EPB42: variants seen among roughly 807,000 people sequenced by gnomAD.
EPB42 encodes the protein protein 4.2.
Under a neutral mutation model 76.9 loss-of-function variants are expected in EPB42, and 49 were observed. The ratio of observed to expected loss-of-function variants is 0.64; its 90% CI spans 0.51 to 0.81. The LOEUF is 0.81. EPB42 is among the 30% of genes least tolerant of loss of function. The pLI is 0.00. For missense variants in EPB42, 731 were observed against 867.6 expected (o/e 0.84, Z 1.98); for synonymous variants, 310 against 338.4 (o/e 0.92, Z 0.92).
chr15:43,203,244 G>C lies in EPB42; in HGVS notation c.1650C>G (p.Ser550=). Residue 550 remains serine (S), a synonymous_variant, in exon 11 of 13, where the codon TCC becomes TCG. Transcript: ENST00000441366. ...TCTCGGGTGGGTTTCGCTCAAAATT[G>C]GAGAAGAACAGGCCGATGGTTATTA... The part of the protein sequence containing the change: ...EKIITIGLFF[S]NFERNPPENT... The C allele has an allele frequency of 1.9e-6, 3 of 1,614,172 alleles. No homozygotes were observed. The highest frequency in any genetic ancestry group is 2.5e-6 in the Non-Finnish European group (3 of 1,180,042).
Position 43,211,465 on chromosome 15 carries a change from T to C in EPB42, c.500A>G (p.Tyr167Cys). The C allele has an allele frequency of 6.2e-7, 1 of 1,614,056 alleles. No homozygotes were observed. The highest frequency in any genetic ancestry group is 2.2e-5 in the East Asian group (1 of 44,870). ...EYLLNQNGLI[Y>C]LGTADCIQAE... ...CTGGATGCAGTCAGCTGTACCCAGG[T>C]AGATGAGACCATTCTGGTTCAACAA... Residue 167 changes from tyrosine (Y) to cysteine (C), a missense_variant, in exon 4 of 13, where the codon TAC becomes TGC. Coordinates refer to ENST00000441366, the MANE Select transcript of EPB42 (RefSeq NM_001114134.2).
At chr15:43,213,994 C>G (rs191363790) in intron 3 of EPB42, among the ~76,000 whole-genome samples, 1 of 152,238 alleles carries the variant, frequency 6.6e-6, no homozygotes, top group South Asian at 2.1e-4. Flanking sequence ...CTTCCACCTC[C>G]CCATGTTTCC....
rs747697627 is a variant in EPB42 at position 43,208,776 on chromosome 15, C to T, written c.833-1G>A. 29 of 1,613,950 alleles carry T rather than the reference C, an allele frequency of 1.8e-5. No homozygotes were observed. The highest frequency in any genetic ancestry group is 2.4e-5 in the Non-Finnish European group (28 of 1,179,928). ...GCAGGGATTCCCAGGCATCGCAGCA[C>T]TGTGAGAAGAGGGGCGGAGTGTCAG... On this transcript the variant is annotated splice_acceptor_variant, in intron 6 of 12. Transcript: ENST00000441366. LOFTEE classifies it high-confidence loss of function.
chr15:43,209,743 G>A, intron 5 of EPB42: 1 of 400,834 alleles, frequency 2.5e-6, no homozygotes, highest in Non-Finnish European at 4.5e-6. Context: ...CCGGTTCTTA[G>A]TCCTCCACCC....
At chr15:43,220,090 C>A (rs969446595) in intron 1 of EPB42, among the ~76,000 whole-genome samples, 1 of 152,094 alleles carries the variant, frequency 6.6e-6, no homozygotes, top group African/African-American at 2.4e-5. Context: ...GCACACCAGA[C>A]CAACCAGGGC....
In EPB42 at chr15:43,220,725, C is replaced by T. The variant is rs150530456; in HGVS notation, c.10+91G>A. On this transcript the variant is annotated intron_variant, in intron 1 of 12. Coordinates refer to ENST00000441366, the MANE Select transcript of EPB42 (RefSeq NM_001114134.2). The stretch of plus-strand genomic sequence containing the variant: ...AGTTATACCACCATCTCCCCGCCTA[C>T]CATCCATCCCACTTCCTTTAATGAA... 435 of 1,609,590 alleles carry T rather than the reference C, an allele frequency of 2.7e-4. 2 individuals carry two copies. The highest frequency in any genetic ancestry group is 1.9e-3 in the South Asian group (170 of 90,978).
intron 1 of EPB42, among the ~76,000 whole-genome samples, chr15:43,218,297 G>A (rs1250561405): frequency 6.6e-6 from 1 of 152,100 alleles, no homozygotes; most frequent in African/African-American, 2.4e-5. Flanking sequence ...CCGAACCCAC[G>A]TAATGACCAT....
Position 43,201,996 on chromosome 15 carries a change from C to T in EPB42, c.1780-19G>A, listed in dbSNP as rs757607771. On this transcript the variant is annotated intron_variant, in intron 11 of 12. Coordinates refer to ENST00000441366, the MANE Select transcript of EPB42 (RefSeq NM_001114134.2). ...CTGGCATCTGTGGGAAGAGGCAATA[C>T]CTGGTGTGGATGCCAAGGGCACAGC... 1 of 1,613,726 alleles carries T rather than the reference C, an allele frequency of 6.2e-7. No homozygotes were observed. The highest frequency in any genetic ancestry group is 2.2e-5 in the East Asian group (1 of 44,886).
chr15:43,218,307 T>C (rs1199280621), intron 1 of EPB42, among the ~76,000 whole-genome samples: 1 of 152,126 alleles, frequency 6.6e-6, no homozygotes, highest in Non-Finnish European at 1.5e-5. Context: ...GTAATGACCA[T>C]AGTGTTACGG....
At chr15:43,208,596 C>G (rs774836438) in intron 7 of EPB42, 41 bp downstream of exon 7, 1 of 1,613,612 alleles carries the variant, frequency 6.2e-7, no homozygotes, top group Non-Finnish European at 8.5e-7. Flanking sequence ...AGGGTTGGAG[C>G]CCTTCCTGGA....
chr15:43,210,519 C>A, intron 4 of EPB42, 80 bp from the exon 5 acceptor site: 2 of 1,259,674 alleles, frequency 1.6e-6, no homozygotes, highest in East Asian at 2.3e-5. Flanking sequence ...AGGCACTCAT[C>A]CTGCAGGACA....
chr15:43,198,947 A>T (rs1468243254), intron 12 of EPB42, among the ~76,000 whole-genome samples: 1 of 152,190 alleles, frequency 6.6e-6, no homozygotes, highest in African/African-American at 2.4e-5. Context: ...TGTTGAGCCT[A>T]TGGGTGCACA....
chr15:43,202,106 C>T, intron 11 of EPB42, 129 bp from the exon 12 acceptor site: 1 of 1,256,910 alleles, frequency 8.0e-7, no homozygotes, highest in Non-Finnish European at 1.1e-6. Context: ...AACTTCACAG[C>T]TGATGTCTTC....
At chr15:43,199,159 G>A (rs192719697) in intron 12 of EPB42, among the ~76,000 whole-genome samples, 13 of 152,302 alleles carry the variant, frequency 8.5e-5, no homozygotes, top group South Asian at 2.1e-4. Context: ...TGTGAGAAGA[G>A]GGCCGCCATC....
chr15:43,201,855 C>A lies in EPB42; in HGVS notation c.1902G>T (p.Glu634Asp). 6.2e-7 allele frequency: 1 copy of A among 1,614,210 alleles called. No individual in the cohort carries two copies. The highest frequency in any genetic ancestry group is 8.5e-7 in the Non-Finnish European group (1 of 1,180,020). ...SILGRGLIHR[E>D]RSYRFRSVWP... ...CTGCCATCACTTACCTGTAGCTCCT[C>A]TCTCTGTGAATGAGCCCCCTTCCCA... Residue 634 changes from glutamate to aspartate, a missense_variant, in exon 12 of 13, where the codon GAG becomes GAT. Glu to Asp is a conservative substitution (Grantham distance 45). Coordinates refer to ENST00000441366, the MANE Select transcript of EPB42 (RefSeq NM_001114134.2).
chr15:43,202,834 G>T (rs985365019), intron 11 of EPB42, among the ~76,000 whole-genome samples: 1 of 152,190 alleles, frequency 6.6e-6, no homozygotes, highest in Non-Finnish European at 1.5e-5. Context: ...TGTGTATGAG[G>T]TGCTAAATAA....
At position 43,208,673 on chromosome 15, in the gene EPB42, C is replaced by T. The variant is rs753830574; in HGVS notation, c.935G>A (p.Gly312Glu). The T allele has an allele frequency of 1.2e-6, 2 of 1,614,160 alleles. No homozygotes were observed. The highest frequency in any genetic ancestry group is 8.5e-7 in the Non-Finnish European group (1 of 1,180,022). The stretch of plus-strand genomic sequence containing the variant: ...TCTCTGGCCTTCTCCGTTCTGAAGT[C>T]CCTCCTCATTATAGTATTCATCTAT... ...LLIDEYYNEE[G>E]LQNGEGQRGR... The change falls in exon 7 of 13, where the codon GGA (glycine) becomes GAA (glutamate). Residue 312 changes from glycine to glutamate, a missense_variant. Physicochemically the swap from Gly to Glu is moderately conservative, Grantham distance 98. Coordinates refer to ENST00000441366, the MANE Select transcript of EPB42 (RefSeq NM_001114134.2).
At chr15:43,218,991 C>T (rs1011042890) in intron 1 of EPB42, among the ~76,000 whole-genome samples, 1 of 152,236 alleles carries the variant, frequency 6.6e-6, no homozygotes, top group African/African-American at 2.4e-5. Flanking sequence ...TCCTCCCTCT[C>T]TGCCTTTCAC....
intron 12 of EPB42, among the ~76,000 whole-genome samples, chr15:43,199,799 T>C (rs1339030859): frequency 1.3e-5 from 2 of 152,202 alleles, no homozygotes; most frequent in African/African-American, 4.8e-5. Flanking sequence ...GTCTTTCCCA[T>C]GCTATTCTTG....
Sources: gnomAD v4.1 joint callset for allele counts (sites outside exome capture counted in the v4.1 genomes callset) on GRCh38, gnomAD v4.1.1 for gene constraint, MANE v1.5 for transcripts, NCBI Gene and HGNC (gene_info 2026-07-23, HGNC 2026-07-21) for gene names.